Variants in NPHP4 observed in about 807,000 individuals in gnomAD.
NPHP4 encodes the protein nephrocystin 4, also known as nephrocystin-4.
In NPHP4, 151 loss-of-function variants were observed where a neutral mutation model predicts 155.8. The observed-to-expected ratio is 0.97, with a 90% CI of 0.85 to 1.11. NPHP4 has a LOEUF of 1.11. NPHP4 is among the 50% of genes least tolerant of loss of function. The pLI, the probability that NPHP4 is intolerant of heterozygous loss-of-function variation, is 0.00. For synonymous variants in NPHP4, 845 were observed against 816.8 expected, an observed-to-expected ratio of 1.03 and a Z score of -0.59; for missense variants, 1,956 against 1,925.7, an observed-to-expected ratio of 1.02 and a Z score of -0.29.
chr1:5,976,190 C>G (rs1653537694), intron 3 of NPHP4, among the ~76,000 whole-genome samples: 1 of 152,314 alleles, frequency 6.6e-6, no homozygotes, highest in East Asian at 1.9e-4. Context: ...CTCCCACCCC[C>G]ACCCGCCACA....
At chr1:5,963,689 C>CTTTTT (rs57131022) in intron 5 of NPHP4, among the ~76,000 whole-genome samples, 3 of 122,940 alleles carry the variant, frequency 2.4e-5, no homozygotes, top group Non-Finnish European at 1.7e-5. Context: ...CTTTTCTTTT[C>CTTTTT]TTTTTTTTTT....
At position 5,944,925 on chromosome 1, in the gene NPHP4, G is replaced by A. The variant is rs563188651; in HGVS notation, c.1119+2179C>T. Reference sequence around the variant, plus strand: ...GCGGAGGTTGCAGTGAGCCGAGATCGCGCCACTGAGGGGCGACAGAGTGAG... The same window carrying A: ...GCGGAGGTTGCAGTGAGCCGAGATCACGCCACTGAGGGGCGACAGAGTGAG... On this transcript the variant is annotated intron_variant, in intron 9 of 29. Coordinates refer to ENST00000378156, the MANE Select transcript of NPHP4 (RefSeq NM_015102.5). This position sits in a 1 kb window ranked among gnomAD's most constrained non-coding sequence, Gnocchi z 4.3. Among the ~76,000 whole-genome samples the A allele has an allele frequency of 2.4e-4, 37 of 152,218 alleles. No homozygotes were observed. The highest frequency in any genetic ancestry group is 7.9e-4 in the African/African-American group (33 of 41,528).
intron 23 of NPHP4, among the ~76,000 whole-genome samples, chr1:5,872,955 G>A (rs746976448): frequency 9.8e-5 from 15 of 152,332 alleles, no homozygotes; most frequent in South Asian, 4.1e-4. Flanking sequence ...AGGAGTGGCC[G>A]CAGGCTGTGG....
rs200739559 is a variant in NPHP4 at position 5,892,536 on chromosome 1, A to G, written c.2144-1508T>C. ...TTTGCTGAGTAAGTGAATTAATGGT[A>G]GCATTGAAAGGCCCTGGCAGTGCTG... On this transcript the variant is annotated intron_variant, in intron 16 of 29. Coordinates refer to ENST00000378156, the MANE Select transcript of NPHP4 (RefSeq NM_015102.5). The surrounding 1 kb of genome is among the most constrained non-coding windows in gnomAD (Gnocchi z 4.5). Among the ~76,000 whole-genome samples the G allele has an allele frequency of 3.6e-3, 546 of 152,256 alleles. 4 individuals are homozygous for G. Among genetic ancestry groups the G allele is most frequent in the African/African-American group, 0.013 (527 of 41,554 alleles).
rs1320608246 is a variant in NPHP4, at chr1:5,944,200, C to T, written c.1119+2904G>A. ...GGAAGCTCCGTGGGGCCCATCGCAC[C>T]AGCCAGCCTGTTTTCAGCTGTGCTT... is the stretch of plus-strand genomic sequence containing the variant. On this transcript the variant is annotated intron_variant, in intron 9 of 29. Coordinates refer to ENST00000378156, the MANE Select transcript of NPHP4 (RefSeq NM_015102.5). The surrounding 1 kb of genome is among the most constrained non-coding windows in gnomAD (Gnocchi z 4.3). 6.6e-6 allele frequency among the ~76,000 whole-genome samples: 1 copy of T among 152,190 alleles called. No homozygotes were observed. The highest frequency in any genetic ancestry group is 1.9e-4 in the East Asian group (1 of 5,198).
chr1:5,978,476 C>A, intron 2 of NPHP4, 63 bp from the exon 3 acceptor site: 1 of 1,527,568 alleles, frequency 6.5e-7, no homozygotes, highest in South Asian at 1.2e-5. Context: ...AGGTCACTGG[C>A]AGGCCATGTG....
intron 5 of NPHP4, among the ~76,000 whole-genome samples, chr1:5,963,457 G>A (rs1431025489): frequency 6.6e-6 from 1 of 151,938 alleles, no homozygotes; most frequent in African/African-American, 2.4e-5. Flanking sequence ...CTTCAAACAT[G>A]GAATCTGCTT....
chr1:5,970,395 T>C (rs565374948), intron 3 of NPHP4, among the ~76,000 whole-genome samples: 1 of 151,904 alleles, frequency 6.6e-6, no homozygotes, highest in East Asian at 1.9e-4. Context: ...CCCAGCTACT[T>C]AGGAGGCTGA....
intron 6 of NPHP4, among the ~76,000 whole-genome samples, chr1:5,959,099 A>G (rs1649822329): frequency 6.6e-6 from 1 of 151,980 alleles, no homozygotes; most frequent in Admixed American, 6.6e-5. Flanking sequence ...CGAAAGGCGC[A>G]TACGACCCTT....
chr1:5,877,079 G>A lies in NPHP4; in HGVS notation c.2817+14C>T, dbSNP rs1642682529. 2 of 1,514,268 alleles carry A rather than the reference G, an allele frequency of 1.3e-6. No individual in the cohort carries two copies. Among genetic ancestry groups the A allele is most frequent in the Non-Finnish European group, 8.9e-7 (1 of 1,118,800 alleles). 93.8% of individuals were successfully genotyped at this position (1,514,268 alleles called of 1,614,324 possible). A position where few individuals can be genotyped will look rare whatever the true frequency, so the allele number is the denominator to read the frequency against. On this transcript the variant is annotated intron_variant, in intron 20 of 29. Transcript: ENST00000378156. ...TGGAGATCCCAGGACAGTGACAGCT[G>A]AACAAACCCTTACCAACACGCTCGT...
chr1:5,983,103 G>A lies in NPHP4; in HGVS notation c.135+3052C>T, dbSNP rs183368338. On this transcript the variant is annotated intron_variant, in intron 2 of 29. Coordinates refer to ENST00000378156, the MANE Select transcript of NPHP4 (RefSeq NM_015102.5). ...GTTAAGAGATGACAAGGTGATTGAC[G>A]GTATTCTTCAGAGCTTCCAAATCCC... 7.9e-5 allele frequency among the ~76,000 whole-genome samples: 12 copies of A among 152,162 alleles called. 1 individual carries two copies. The highest frequency in any genetic ancestry group is 2.6e-4 in the Admixed American group (4 of 15,290).
rs563129486 is a variant in NPHP4 at position 5,939,115 on chromosome 1, C to T, written c.1120-5786G>A. On this transcript the variant is annotated intron_variant, in intron 9 of 29. Transcript: ENST00000378156. Reference sequence around the variant, plus strand: ...GCTGCCGCAGGATAAACATTGCAGCCACAAGTGCCCCCAGTATTCTCGGGG... The same window carrying T: ...GCTGCCGCAGGATAAACATTGCAGCTACAAGTGCCCCCAGTATTCTCGGGG... Among the ~76,000 whole-genome samples, 16 of 152,110 alleles carry T rather than the reference C, an allele frequency of 1.1e-4. No homozygotes were observed. The East Asian group carries it at 2.5e-3, about 24-fold the overall frequency.
chr1:5,889,610 C>T lies in NPHP4; in HGVS notation c.2304+1258G>A, dbSNP rs1248395995. Among the ~76,000 whole-genome samples the T allele has an allele frequency of 2.6e-5, 4 of 152,172 alleles. No homozygotes were observed. The highest frequency in any genetic ancestry group is 7.2e-5 in the African/African-American group (3 of 41,440). On this transcript the variant is annotated intron_variant, in intron 17 of 29. Coordinates refer to ENST00000378156, the MANE Select transcript of NPHP4 (RefSeq NM_015102.5). This position sits in a 1 kb window ranked among gnomAD's most constrained non-coding sequence, Gnocchi z 4.2. ...CGGGACCCGGCTCTGCCTCCCACACCGCCTGCCTCCTTTACGCCTCCCCAC... is the reference window on the plus strand; with the variant it reads ...CGGGACCCGGCTCTGCCTCCCACACTGCCTGCCTCCTTTACGCCTCCCCAC...
In NPHP4 at chr1:5,940,382, G is replaced by A. The variant is rs143868980; in HGVS notation, c.1119+6722C>T. Reference sequence around the variant, plus strand: ...CTCCCCATCCTCCAGAACCATGCATGAGCCAATAAATTCTATTCACTATAA... The same window carrying A: ...CTCCCCATCCTCCAGAACCATGCATAAGCCAATAAATTCTATTCACTATAA... On this transcript the variant is annotated intron_variant, in intron 9 of 29. Transcript: ENST00000378156. Among the ~76,000 whole-genome samples, 298 of 152,220 alleles carry A rather than the reference G, an allele frequency of 2.0e-3. 1 individual carries two copies. Among genetic ancestry groups the A allele is most frequent in the African/African-American group, 6.9e-3 (288 of 41,512 alleles).
intron 23 of NPHP4, among the ~76,000 whole-genome samples, chr1:5,870,237 G>C (rs1641858161): frequency 6.6e-6 from 1 of 152,230 alleles, no homozygotes; most frequent in African/African-American, 2.4e-5. Flanking sequence ...AAGGAGGACA[G>C]GGGTGAATCA....
rs143790717 is a variant in NPHP4, at chr1:5,909,297, G to A, written c.1442-84C>T. On this transcript the variant is annotated intron_variant, in intron 11 of 29. Transcript: ENST00000378156. ...GGGCCCCTGAACCCCCACGCAGTCA[G>A]GTCTCCACAGGCCTCACCACCTTGT... 8.4e-5 allele frequency: 88 copies of A among 1,048,000 alleles called. No individual in the cohort carries two copies. In the African/African-American group the frequency reaches 1.3e-3, roughly 16 times the overall value. 64.9% of individuals were successfully genotyped at this position (1,048,000 alleles called of 1,614,324 possible). A position where few individuals can be genotyped will look rare whatever the true frequency, so the allele number is the denominator to read the frequency against.
intron 18 of NPHP4, among the ~76,000 whole-genome samples, chr1:5,883,938 G>T (rs942905834): frequency 1.3e-5 from 2 of 152,186 alleles, no homozygotes; most frequent in African/African-American, 4.8e-5. Context: ...GATGACAATG[G>T]CTGCAGCGGG....
intron 23 of NPHP4, among the ~76,000 whole-genome samples, chr1:5,868,826 G>C (rs1641597018): frequency 1.2e-5 from 1 of 86,110 alleles, no homozygotes; most frequent in Non-Finnish European, 2.3e-5. Flanking sequence ...ACCCACACAT[G>C]CACACACGCA....
intron 3 of NPHP4, among the ~76,000 whole-genome samples, chr1:5,976,907 C>A (rs1263080069): frequency 4.6e-5 from 7 of 152,158 alleles, no homozygotes; most frequent in Non-Finnish European, 7.4e-5. Flanking sequence ...GAAAGGCACA[C>A]CTGGGCAGTG....
Sources: gnomAD v4.1 joint callset for allele counts (sites outside exome capture counted in the v4.1 genomes callset) on GRCh38, gnomAD v4.1.1 for gene constraint, Gnocchi (gnomAD v3.1) non-coding constraint, MANE v1.5 for transcripts, NCBI Gene and HGNC (gene_info 2026-07-23, HGNC 2026-07-21) for gene names.